The following TPX2 variants were observed in gnomAD, a reference collection of about 807,000 sequenced individuals.
The protein encoded by TPX2 is targeting protein for Xklp2.
A neutral mutation model predicts 93.6 loss-of-function variants in TPX2; 21 were observed. The observed-to-expected ratio is 0.22, with a 90% CI of 0.16 to 0.32. The LOEUF is 0.32. TPX2 is among the 10% of genes least tolerant of loss of function. The probability of loss-of-function intolerance (pLI) is 1.00; values close to 1 mark genes in which losing one functional copy is unlikely to be tolerated. For synonymous variants in TPX2, 281 were observed against 298.3 expected, an observed-to-expected ratio of 0.94 and a Z score of 0.60; for missense variants, 776 against 871.1, an observed-to-expected ratio of 0.89 and a Z score of 1.37.
Position 31,770,485 on chromosome 20 carries a change from A to G in TPX2, c.485+14A>G, listed in dbSNP as rs2061958658. 6.4e-7 allele frequency: 1 copy of G among 1,564,860 alleles called. No individual in the cohort carries two copies. The highest frequency in any genetic ancestry group is 8.6e-7 in the Non-Finnish European group (1 of 1,157,432). ...GAAAATGAAAGTGTGAGTAGCCACA[A>G]CTTCTTACTGCCAAGGGCAGACATA... On this transcript the variant is annotated intron_variant, in intron 6 of 17. Coordinates refer to ENST00000300403, the MANE Select transcript of TPX2 (RefSeq NM_012112.5).
chr20:31,757,345 A>G (rs1456728357), intron 2 of TPX2, 62 bp from the exon 3 acceptor site: 1 of 709,320 alleles, frequency 1.4e-6, no homozygotes, highest in Non-Finnish European at 2.4e-6. Flanking sequence ...CAAACGTGGT[A>G]GTAAAACCAA....
At chr20:31,752,725 G>A (rs1568921802) in intron 2 of TPX2, among the ~76,000 whole-genome samples, 1 of 152,114 alleles carries the variant, frequency 6.6e-6, no homozygotes, top group South Asian at 2.1e-4. Flanking sequence ...CCATTCTCCT[G>A]CCTTAGCCTC....
intron 4 of TPX2, 33 bp downstream of exon 4, chr20:31,760,212 T>TA: frequency 1.2e-6 from 2 of 1,611,752 alleles, no homozygotes; most frequent in Non-Finnish European, 1.7e-6. Flanking sequence ...AGCTCCTTGA[T>TA]AGAATGGTGG....
intron 12 of TPX2, among the ~76,000 whole-genome samples, chr20:31,784,884 G>A (rs576629458): frequency 1.3e-4 from 20 of 152,280 alleles, no homozygotes; most frequent in African/African-American, 4.3e-4. Context: ...GACCTCACCC[G>A]CCGCCACTGG....
Position 31,801,066 on chromosome 20 carries a change from C to T in TPX2, c.2230C>T (p.Arg744Ter), listed in dbSNP as rs779981710. 9.9e-6 allele frequency: 16 copies of T among 1,613,990 alleles called. No individual in the cohort carries two copies. Among genetic ancestry groups the T allele is most frequent in the East Asian group, 2.2e-5 (1 of 44,900 alleles). The change falls in exon 18 of 18, where the codon CGA (arginine) becomes TGA (stop). Residue 744 changes from arginine (R) to a stop codon, truncating the protein, a stop_gained. Transcript: ENST00000300403. LOFTEE classifies it high-confidence loss of function. ...TVPVSPKFST[R>*]FHC ...GCCTGTATCTCCCAAATTCTCCACTCGATTCCACTGCTAAACTCAGCTGTG... is the reference window on the plus strand; with the variant it reads ...GCCTGTATCTCCCAAATTCTCCACTTGATTCCACTGCTAAACTCAGCTGTG...
intron 11 of TPX2, among the ~76,000 whole-genome samples, chr20:31,782,663 G>A (rs1429963452): frequency 1.3e-5 from 2 of 152,014 alleles, no homozygotes; most frequent in Admixed American, 6.6e-5. Context: ...CGAGGCAAGA[G>A]GATCACTTGA....
intron 10 of TPX2, 43 bp downstream of exon 10, chr20:31,779,027 A>G (rs1422523495): frequency 4.0e-6 from 6 of 1,515,978 alleles, no homozygotes; most frequent in Non-Finnish European, 3.5e-6. Context: ...AACCTCTCCT[A>G]CATTCCCTCT....
chr20:31,788,541 C>T lies in TPX2; in HGVS notation c.1414-4194C>T, dbSNP rs952933914. Among the ~76,000 whole-genome samples, 9 of 152,270 alleles carry T rather than the reference C, an allele frequency of 5.9e-5. No individual in the cohort carries two copies. In the East Asian group the frequency reaches 9.6e-4, roughly 16 times the overall value. Reference sequence around the variant, plus strand: ...GTCTGATGCTTTTGTTCCCCATCCACGTCCCCCCCAGTGCTGAAGCTGTTT... The same window carrying T: ...GTCTGATGCTTTTGTTCCCCATCCATGTCCCCCCCAGTGCTGAAGCTGTTT... On this transcript the variant is annotated intron_variant, in intron 12 of 17. Transcript: ENST00000300403.
chr20:31,776,308 C>CT (rs1412034929), intron 8 of TPX2, among the ~76,000 whole-genome samples: 1 of 151,388 alleles, frequency 6.6e-6, no homozygotes, highest in Non-Finnish European at 1.5e-5. Flanking sequence ...TCTCCATCTC[C>CT]TGACCTCATG....
At chr20:31,768,799 T>G (rs1272784975) in intron 5 of TPX2, among the ~76,000 whole-genome samples, 1 of 152,158 alleles carries the variant, frequency 6.6e-6, no homozygotes, top group East Asian at 1.9e-4. Context: ...AACTAGCACT[T>G]ACGAAAAGGG....
chr20:31,789,606 CAAAAACAAAA>C (rs369193874), intron 12 of TPX2, among the ~76,000 whole-genome samples: 4,328 of 150,014 alleles, frequency 0.029, 172 homozygotes, highest in African/African-American at 0.088. Flanking sequence ...CTTAAAATAG[CAAAAACAAAA>C]AAAAACAAAA....
chr20:31,768,855 TG>T (rs1311267731), intron 5 of TPX2, among the ~76,000 whole-genome samples: 2 of 152,242 alleles, frequency 1.3e-5, no homozygotes, highest in African/African-American at 4.8e-5. Context: ...TCAGTTTCAC[TG>T]ATCATCAGAG....
At position 31,801,110 on chromosome 20, in the gene TPX2, G is replaced by T; in HGVS notation, c.*30G>T. 2 of 1,588,970 alleles carry T rather than the reference G, an allele frequency of 1.3e-6. No individual in the cohort carries two copies. Among genetic ancestry groups the T allele is most frequent in the Non-Finnish European group, 1.7e-6 (2 of 1,157,212 alleles). ...AGCTGTGAGCTGCGGATACCGCCCG[G>T]CAATGGGACCTGCTCTTAACCTCAA... is the stretch of plus-strand genomic sequence containing the variant. On this transcript the variant is annotated 3_prime_UTR_variant, in exon 18 of 18. Coordinates refer to ENST00000300403, the MANE Select transcript of TPX2 (RefSeq NM_012112.5).
intron 2 of TPX2, among the ~76,000 whole-genome samples, chr20:31,750,082 C>T (rs1267857305): frequency 2.6e-5 from 4 of 151,672 alleles, no homozygotes; most frequent in Middle Eastern, 3.5e-3. Flanking sequence ...GGACTACAGG[C>T]GCATGCCACG....
At chr20:31,766,465 G>C in intron 4 of TPX2, 91 bp from the exon 5 acceptor site, 2 of 1,106,970 alleles carry the variant, frequency 1.8e-6, no homozygotes, top group South Asian at 1.5e-5. Context: ...GTGTGTGTGT[G>C]TGTGTGTGTG....
chr20:31,772,720 A>G (rs942730863), intron 7 of TPX2, among the ~76,000 whole-genome samples: 12 of 152,224 alleles, frequency 7.9e-5, no homozygotes, highest in Non-Finnish European at 1.3e-4. Context: ...TTTCACATTT[A>G]TCCTTTTTTG....
Position 31,770,382 on chromosome 20 carries a change from G to A in TPX2, c.396G>A (p.Gln132=). The change falls in exon 6 of 18, where the codon CAG becomes CAA. Residue 132 remains glutamine, a synonymous_variant. Transcript: ENST00000300403. ...LRLSAQKDLE[Q]KEKHHVKMKA... is the part of the protein sequence containing the mutation. Reference sequence around the variant, plus strand: ...TTTCTGCTCAGAAGGATTTGGAACAGAAAGAAAAGCATCATGTAAAAATGA... The same window carrying A: ...TTTCTGCTCAGAAGGATTTGGAACAAAAAGAAAAGCATCATGTAAAAATGA... 6.2e-7 allele frequency: 1 copy of A among 1,605,600 alleles called. No individual in the cohort carries two copies. Among genetic ancestry groups the A allele is most frequent in the Non-Finnish European group, 8.5e-7 (1 of 1,175,486 alleles).
intron 2 of TPX2, among the ~76,000 whole-genome samples, chr20:31,745,364 C>T (rs1568918912): frequency 7.0e-6 from 1 of 142,132 alleles, no homozygotes; most frequent in East Asian, 2.1e-4. Flanking sequence ...GAGTCTCACT[C>T]TGTCAACCAG....
intron 4 of TPX2, among the ~76,000 whole-genome samples, chr20:31,762,540 G>C (rs777104729): frequency 1.1e-4 from 16 of 151,902 alleles, no homozygotes; most frequent in Non-Finnish European, 1.9e-4. Context: ...AGTAGAGATG[G>C]GGTTTCGTGA....
Sources: allele counts gnomAD v4.1 joint callset (sites outside exome capture counted in the v4.1 genomes callset), GRCh38; gene constraint gnomAD v4.1.1; transcripts MANE v1.5; gene names NCBI Gene and HGNC (gene_info 2026-07-23, HGNC 2026-07-21).